PARP8: variants seen among roughly 807,000 people sequenced by gnomAD.
PARP8 encodes protein mono-ADP-ribosyltransferase PARP8.
A neutral mutation model predicts 124.1 loss-of-function variants in PARP8; 51 were observed. That is an observed-to-expected ratio of 0.41 (90% CI 0.33 to 0.52). The LOEUF (loss-of-function observed/expected upper bound fraction) is 0.52. PARP8 is among the 20% of genes least tolerant of loss of function. PARP8 has a pLI of 0.21. For missense variants in PARP8, 860 were observed against 1,018.9 expected (o/e 0.84, Z 2.12); for synonymous variants, 391 against 361.5 (o/e 1.08, Z -0.93).
rs1749530221 is a variant in PARP8 at position 50,667,874 on chromosome 5, G to A, written c.92-197G>A. On this transcript the variant is annotated intron_variant, in intron 1 of 25. Transcript: ENST00000281631. ...TGGCACCCGGCACTTGTTGCGGGGG[G>A]CGGCCTCCCGCTGCACCCAGTCGGG... 6 of 1,472,596 alleles carry A rather than the reference G, an allele frequency of 4.1e-6. No homozygotes were observed. The South Asian group carries it at 6.3e-5, about 16-fold the overall frequency. The allele number at this position is 1,472,596 out of a possible 1,614,324, so 91.2% of individuals were successfully genotyped here. A position where few individuals can be genotyped will look rare whatever the true frequency, so the allele number is the denominator to read the frequency against.
chr5:50,711,301 T>G (rs1754748838), intron 2 of PARP8, among the ~76,000 whole-genome samples: 1 of 152,120 alleles, frequency 6.6e-6, no homozygotes, highest in Admixed American at 6.6e-5. Context: ...AATCATACCT[T>G]AGTGAAAATG....
At chr5:50,757,641 G>C (rs1241587568) in intron 3 of PARP8, among the ~76,000 whole-genome samples, 1 of 152,118 alleles carries the variant, frequency 6.6e-6, no homozygotes. Context: ...GCATAATGCT[G>C]TCTAGCCTAT....
chr5:50,802,373 G>A (rs1743323827), intron 14 of PARP8, among the ~76,000 whole-genome samples: 1 of 152,036 alleles, frequency 6.6e-6, no homozygotes, highest in South Asian at 2.1e-4. Context: ...GAGTACAGTG[G>A]TGCTGATCAT....
At chr5:50,710,770 G>T (rs150210454) in intron 2 of PARP8, among the ~76,000 whole-genome samples, 79 of 152,236 alleles carry the variant, frequency 5.2e-4, no homozygotes, top group African/African-American at 1.8e-3. Context: ...TAACTCTGGT[G>T]TAGACTTTTG....
At chr5:50,725,584 G>A (rs1256629960) in intron 2 of PARP8, among the ~76,000 whole-genome samples, 2 of 152,150 alleles carry the variant, frequency 1.3e-5, no homozygotes, top group African/African-American at 4.8e-5. Context: ...TATTTCATGT[G>A]TTCACTGCTA....
At chr5:50,744,882 C>A in intron 2 of PARP8, 1 of 664,478 alleles carries the variant, frequency 1.5e-6, no homozygotes, top group Non-Finnish European at 2.7e-6. Flanking sequence ...TTTCTGCCTG[C>A]TACATGGCAT....
In PARP8 at chr5:50,843,318, A is replaced by T. The variant is rs1305689219; in HGVS notation, c.*1250A>T. 1 of 151,690 alleles carries T rather than the reference A, an allele frequency of 6.6e-6. No individual in the cohort carries two copies. Among genetic ancestry groups the T allele is most frequent in the African/African-American group, 2.4e-5 (1 of 41,368 alleles). 9.4% of individuals were successfully genotyped at this position (151,690 alleles called of 1,614,324 possible). On this transcript the variant is annotated 3_prime_UTR_variant, in exon 26 of 26. Coordinates refer to ENST00000281631, the MANE Select transcript of PARP8 (RefSeq NM_024615.4). Reference sequence around the variant, plus strand: ...ATTCATGAAAGCAGTTTAATTAGTGAGTCTGCCACTCTATTCAAACCCTGA... The same window carrying T: ...ATTCATGAAAGCAGTTTAATTAGTGTGTCTGCCACTCTATTCAAACCCTGA...
At chr5:50,709,045 C>T (rs770874079) in intron 2 of PARP8, among the ~76,000 whole-genome samples, 8 of 152,140 alleles carry the variant, frequency 5.3e-5, no homozygotes, top group Admixed American at 5.2e-4. Context: ...CCTCAGCCTC[C>T]CAAAGTGCTA....
chr5:50,781,805 C>G (rs1231644428), intron 9 of PARP8, among the ~76,000 whole-genome samples: 1 of 152,160 alleles, frequency 6.6e-6, no homozygotes, highest in Non-Finnish European at 1.5e-5. Context: ...TGTACAAATT[C>G]TAAGTTGTAA....
chr5:50,831,428 G>A (rs77440761), intron 22 of PARP8, among the ~76,000 whole-genome samples: 6,388 of 152,150 alleles, frequency 0.042, 429 homozygotes, highest in African/African-American at 0.15. Context: ...TGGGGAATTG[G>A]ACTCCATCTC....
At chr5:50,727,293 C>T (rs1362185226) in intron 2 of PARP8, among the ~76,000 whole-genome samples, 2 of 152,104 alleles carry the variant, frequency 1.3e-5, no homozygotes, top group African/African-American at 4.8e-5. Context: ...CTGGCTTTTG[C>T]GTGCCAACTA....
intron 14 of PARP8, among the ~76,000 whole-genome samples, chr5:50,809,732 G>C (rs1239949621): frequency 6.6e-6 from 1 of 151,910 alleles, no homozygotes; most frequent in African/African-American, 2.4e-5. Flanking sequence ...TTGGACTTAT[G>C]TGAAATATTT....
intron 5 of PARP8, among the ~76,000 whole-genome samples, chr5:50,761,041 C>A (rs1291184238): frequency 1.3e-5 from 2 of 152,024 alleles, no homozygotes; most frequent in African/African-American, 2.4e-5. Flanking sequence ...TTTTATAAAA[C>A]CCAAATTTCC....
intron 2 of PARP8, among the ~76,000 whole-genome samples, chr5:50,683,708 ATATTG>A (rs1470116029): frequency 6.6e-6 from 1 of 152,032 alleles, no homozygotes; most frequent in Non-Finnish European, 1.5e-5. Context: ...GTTTTTTTCT[ATATTG>A]TAATCAGTGC....
At chr5:50,812,468 A>C (rs2149684296) in intron 14 of PARP8, among the ~76,000 whole-genome samples, 1 of 152,240 alleles carries the variant, frequency 6.6e-6, no homozygotes, top group Middle Eastern at 3.4e-3. Flanking sequence ...AGTTTGTTTA[A>C]GTTCTTTGTA....
chr5:50,817,545 T>C (rs1279247277), intron 15 of PARP8, among the ~76,000 whole-genome samples: 1 of 152,228 alleles, frequency 6.6e-6, no homozygotes, highest in African/African-American at 2.4e-5. Context: ...TGCAGGGGAC[T>C]TGCCTGGAGC....
intron 1 of PARP8, chr5:50,667,613 C>A (rs1176312870): frequency 1.4e-6 from 1 of 699,082 alleles, no homozygotes; most frequent in Non-Finnish European, 2.6e-6. Context: ...TAAGCTGCGC[C>A]CGGCGCCGAG....
At chr5:50,773,528 T>C (rs1761838506) in intron 7 of PARP8, among the ~76,000 whole-genome samples, 1 of 152,220 alleles carries the variant, frequency 6.6e-6, no homozygotes, top group Non-Finnish European at 1.5e-5. Flanking sequence ...TTCGTTGGTC[T>C]ACATGTCTAT....
At chr5:50,700,013 T>C (rs565289268) in intron 2 of PARP8, among the ~76,000 whole-genome samples, 8 of 152,142 alleles carry the variant, frequency 5.3e-5, no homozygotes, top group Non-Finnish European at 1.0e-4. Flanking sequence ...ATTAGTGAAG[T>C]AAACTAGACT....
Sources: gnomAD v4.1 joint callset for allele counts (sites outside exome capture counted in the v4.1 genomes callset) on GRCh38, gnomAD v4.1.1 for gene constraint, MANE v1.5 for transcripts, NCBI Gene and HGNC (gene_info 2026-07-23, HGNC 2026-07-21) for gene names.